The following AKAP6 variants were observed in gnomAD, a reference collection of about 807,000 sequenced individuals.
The protein encoded by AKAP6 is A-kinase anchor protein 6.
Under a neutral mutation model 188.5 loss-of-function variants are expected in AKAP6, and 58 were observed. The observed-to-expected ratio is 0.31, with a 90% CI of 0.25 to 0.38. The LOEUF is 0.38. Ranked by LOEUF, AKAP6 falls within the 10% of genes least tolerant of loss-of-function variation. The pLI is 1.00. For missense variants in AKAP6, 2,710 were observed against 2,740.0 expected (o/e 0.99, Z 0.24); for synonymous variants, 989 against 998.6 (o/e 0.99, Z 0.18).
intron 7 of AKAP6, among the ~76,000 whole-genome samples, chr14:32,647,240 T>C (rs898544457): frequency 1.3e-5 from 2 of 152,156 alleles, no homozygotes; most frequent in African/African-American, 4.8e-5. Flanking sequence ...TCTGAGTCTT[T>C]GTTCTTCTGT....
At chr14:32,665,229 C>T (rs774487192) in intron 7 of AKAP6, among the ~76,000 whole-genome samples, 7 of 152,024 alleles carry the variant, frequency 4.6e-5, no homozygotes, top group Non-Finnish European at 1.0e-4. Flanking sequence ...ATTGATGGCT[C>T]AGTCCCCAAG....
chr14:32,396,018 G>T (rs751447862), intron 1 of AKAP6, among the ~76,000 whole-genome samples: 24 of 152,032 alleles, frequency 1.6e-4, no homozygotes, highest in Non-Finnish European at 2.9e-4. Flanking sequence ...ATTTGTGAGA[G>T]AAATATGTCA....
At chr14:32,489,588 C>G (rs1241945545) in intron 2 of AKAP6, among the ~76,000 whole-genome samples, 1 of 152,080 alleles carries the variant, frequency 6.6e-6, no homozygotes, top group East Asian at 1.9e-4. Flanking sequence ...AAGCACCTGA[C>G]CTGTAATTAC....
chr14:32,647,504 CCTTAT>C (rs1888033557), intron 7 of AKAP6, among the ~76,000 whole-genome samples: 1 of 152,158 alleles, frequency 6.6e-6, no homozygotes, highest in African/African-American at 2.4e-5. Context: ...TACCCTTTTC[CCTTAT>C]CTTCTAATAG....
rs11845640 is a variant in AKAP6, at chr14:32,822,288, C to T, written c.4475C>T (p.Ala1492Val). 206,884 of 1,613,528 alleles carry T rather than the reference C, an allele frequency of 0.13. 19,111 individuals carry two copies. The highest frequency in any genetic ancestry group is 0.43 in the African/African-American group (32,453 of 74,882). ...MIMKQSQSEK[A>V]HVEDPLLRGF... is the part of the protein sequence containing the mutation. ...ATGAAACAGTCACAAAGCGAAAAAG[C>T]GCATGTGGAGGATCCCCTGCTTCGT... Residue 1492 changes from alanine (A) to valine (V), a missense_variant, in exon 13 of 14, where the codon GCG (alanine) becomes GTG (valine). Transcript: ENST00000280979.
intron 9 of AKAP6, among the ~76,000 whole-genome samples, chr14:32,701,073 T>A (rs1356198327): frequency 6.6e-6 from 1 of 152,184 alleles, no homozygotes; most frequent in East Asian, 1.9e-4. Flanking sequence ...AGTCCAAACA[T>A]GTCCTCTGTG....
chr14:32,526,644 TGA>T, intron 2 of AKAP6, among the ~76,000 whole-genome samples: 1 of 152,326 alleles, frequency 6.6e-6, no homozygotes, highest in East Asian at 1.9e-4. Context: ...CCTCCCAAAG[TGA>T]TGGGATTGCA....
intron 11 of AKAP6, among the ~76,000 whole-genome samples, chr14:32,745,806 T>G (rs182565617): frequency 4.5e-4 from 69 of 151,980 alleles, no homozygotes; most frequent in Admixed American, 8.5e-4. Context: ...CTTCCAGGAG[T>G]CAGGGACTAG....
At chr14:32,641,699 A>G (rs1469839599) in intron 7 of AKAP6, among the ~76,000 whole-genome samples, 1 of 152,066 alleles carries the variant, frequency 6.6e-6, no homozygotes, top group Non-Finnish European at 1.5e-5. Flanking sequence ...AAATAACAAG[A>G]GCTACAATTG....
chr14:32,594,234 C>T (rs1451478439), intron 5 of AKAP6, among the ~76,000 whole-genome samples: 1 of 152,168 alleles, frequency 6.6e-6, no homozygotes, highest in Non-Finnish European at 1.5e-5. Context: ...TCCATAAGAT[C>T]AGACCATGGT....
intron 2 of AKAP6, among the ~76,000 whole-genome samples, chr14:32,532,128 C>G (rs1882445207): frequency 6.6e-6 from 1 of 152,204 alleles, no homozygotes; most frequent in African/African-American, 2.4e-5. Flanking sequence ...TCCAGTTGTT[C>G]TAGAAGTCCT....
chr14:32,368,529 C>T (rs921354749), intron 1 of AKAP6, among the ~76,000 whole-genome samples: 1 of 151,378 alleles, frequency 6.6e-6, no homozygotes, highest in Non-Finnish European at 1.5e-5. Flanking sequence ...AAGGAAGTGA[C>T]TTTAAAGGAA....
chr14:32,357,410 G>A (rs146324645), intron 1 of AKAP6, among the ~76,000 whole-genome samples: 3 of 152,222 alleles, frequency 2.0e-5, no homozygotes, highest in African/African-American at 7.2e-5. Flanking sequence ...TAAGGTTATT[G>A]TTTAGTTAGA....
chr14:32,532,108 A>G (rs1882444053), intron 2 of AKAP6, among the ~76,000 whole-genome samples: 2 of 152,226 alleles, frequency 1.3e-5, no homozygotes, highest in South Asian at 2.1e-4. Flanking sequence ...CATAAGCAGC[A>G]TAGGAGAGTT....
intron 12 of AKAP6, among the ~76,000 whole-genome samples, chr14:32,820,396 C>T (rs1341094510): frequency 6.6e-6 from 1 of 151,964 alleles, no homozygotes. Context: ...GCTACTGTGT[C>T]CCAAAATATG....
intron 2 of AKAP6, among the ~76,000 whole-genome samples, chr14:32,461,688 A>G (rs11156747): frequency 0.35 from 53,333 of 151,840 alleles, 11,100 homozygotes; most frequent in Non-Finnish European, 0.48. Context: ...AAATGATTGC[A>G]ACTCCTCTTG....
intron 7 of AKAP6, among the ~76,000 whole-genome samples, chr14:32,619,149 T>C (rs1434905185): frequency 6.6e-6 from 1 of 151,298 alleles, no homozygotes; most frequent in Non-Finnish European, 1.5e-5. Flanking sequence ...ACTCTGATGA[T>C]TATTTCTTTT....
intron 1 of AKAP6, among the ~76,000 whole-genome samples, chr14:32,368,259 T>G (rs1197360984): frequency 6.6e-6 from 1 of 152,200 alleles, no homozygotes; most frequent in Non-Finnish European, 1.5e-5. Context: ...TTCATCTTTA[T>G]ATGGCACCTT....
chr14:32,456,912 G>A (rs988316321), intron 2 of AKAP6, among the ~76,000 whole-genome samples: 1 of 152,340 alleles, frequency 6.6e-6, no homozygotes, highest in Middle Eastern at 3.4e-3. Context: ...AACTTATGAT[G>A]TTGAAATAAA....
Sources: gnomAD v4.1 joint callset for allele counts (sites outside exome capture counted in the v4.1 genomes callset) on GRCh38, gnomAD v4.1.1 for gene constraint, MANE v1.5 for transcripts, NCBI Gene and HGNC (gene_info 2026-07-23, HGNC 2026-07-21) for gene names.